The following DNMT3A variants were observed in gnomAD, a reference collection of about 807,000 sequenced individuals.
DNMT3A encodes DNA methyltransferase 3 alpha, also known as DNA (cytosine-5)-methyltransferase 3A.
DNMT3A carries 267 observed loss-of-function variants against 117.6 expected under a neutral mutation model. That is an observed-to-expected ratio of 2.27 (90% confidence interval 2.05 to 2.51). The LOEUF (loss-of-function observed/expected upper bound fraction) is 2.51, where lower values mean the gene tolerates loss of function less well. Among genes scored for constraint, DNMT3A ranks in the 30% most tolerant of loss-of-function variants. The pLI is 0.00. For synonymous variants in DNMT3A, 432 were observed against 474.8 expected (o/e 0.91, Z 1.17); for missense variants, 1,029 against 1,260.2 (o/e 0.82, Z 2.78).
At chr2:25,242,474 T>A (rs143737937) in intron 16 of DNMT3A, among the ~76,000 whole-genome samples, 2 of 152,178 alleles carry the variant, frequency 1.3e-5, no homozygotes, top group Non-Finnish European at 2.9e-5. Context: ...TTTTACAGCC[T>A]CCTGGGGTGT....
chr2:25,282,736 A>G lies in DNMT3A; in HGVS notation c.178-25T>C. On this transcript the variant is annotated intron_variant, in intron 3 of 22. Transcript: ENST00000321117. This position sits in a 1 kb window ranked among gnomAD's most constrained non-coding sequence, Gnocchi z 5.2. ...CCTGCAAATGTAAGAAAGATACACA[A>G]GAGGAGGGTTAGATCAGTGGGCTTA... The G allele has an allele frequency of 6.6e-7, 1 of 1,514,146 alleles. No homozygotes were observed. The highest frequency in any genetic ancestry group is 8.8e-7 in the Non-Finnish European group (1 of 1,130,672). The allele number at this position is 1,514,146 out of a possible 1,614,324, so 93.8% of individuals were successfully genotyped here.
intron 10 of DNMT3A, 125 bp from the exon 11 acceptor site, chr2:25,246,434 G>C: frequency 6.9e-7 from 1 of 1,441,168 alleles, no homozygotes; most frequent in Non-Finnish European, 9.4e-7. Flanking sequence ...CCAACTCTAC[G>C]GTTCTAGCCA....
chr2:25,300,740 T>A (rs1215521700), intron 2 of DNMT3A, among the ~76,000 whole-genome samples: 28 of 44,138 alleles, frequency 6.3e-4, no homozygotes, highest in African/African-American at 2.8e-3. Context: ...TATATATATA[T>A]ATATATATAT....
At position 25,327,957 on chromosome 2, in the gene DNMT3A, C is replaced by G. The variant is rs1011116273; in HGVS notation, c.-177-13796G>C. Among the ~76,000 whole-genome samples the G allele has an allele frequency of 6.6e-6, 1 of 152,172 alleles. No homozygotes were observed. Among genetic ancestry groups the G allele is most frequent in the African/African-American group, 2.4e-5 (1 of 41,434 alleles). On this transcript the variant is annotated intron_variant, in intron 1 of 22. Coordinates refer to ENST00000321117, the MANE Select transcript of DNMT3A (RefSeq NM_022552.5). This position sits in a 1 kb window ranked among gnomAD's most constrained non-coding sequence, Gnocchi z 4.1. ...GGCTTCTCTCGTCCCCCTATTCCCTCCAGGCCCTTTGTACCTCTTGTGTCT... is the reference window on the plus strand; with the variant it reads ...GGCTTCTCTCGTCCCCCTATTCCCTGCAGGCCCTTTGTACCTCTTGTGTCT...
Position 25,305,058 on chromosome 2 carries a change from C to T in DNMT3A, c.73-4815G>A, listed in dbSNP as rs1178653856. Among the ~76,000 whole-genome samples, 1 of 152,210 alleles carries T rather than the reference C, an allele frequency of 6.6e-6. No homozygotes were observed. Among genetic ancestry groups the T allele is most frequent in the Non-Finnish European group, 1.5e-5 (1 of 68,028 alleles). ...GGATGCATTTAGTCCAAGGCAGGCA[C>T]TTGATGAATGACTGTCACAGAGTAG... On this transcript the variant is annotated intron_variant, in intron 2 of 22. Transcript: ENST00000321117. This position sits in a 1 kb window ranked among gnomAD's most constrained non-coding sequence, Gnocchi z 4.1.
At position 25,304,546 on chromosome 2, in the gene DNMT3A, G is replaced by C. The variant is rs562360788; in HGVS notation, c.73-4303C>G. Among the ~76,000 whole-genome samples, 2 of 152,190 alleles carry C rather than the reference G, an allele frequency of 1.3e-5. No individual in the cohort carries two copies. The highest frequency in any genetic ancestry group is 2.9e-5 in the Non-Finnish European group (2 of 68,042). Reference sequence around the variant, plus strand: ...CCAACATCTGGCGGGCGCTCTTGCCGCAAGATATGTGGCAATACTGGGGCT... The same window carrying C: ...CCAACATCTGGCGGGCGCTCTTGCCCCAAGATATGTGGCAATACTGGGGCT... On this transcript the variant is annotated intron_variant, in intron 2 of 22. Transcript: ENST00000321117. The surrounding 1 kb of genome is among the most constrained non-coding windows in gnomAD (Gnocchi z 4.3).
At chr2:25,314,735 A>AGAGGCCACGGCCACGGCC in intron 1 of DNMT3A, 1 of 984,782 alleles carries the variant, frequency 1.0e-6, no homozygotes, top group South Asian at 4.7e-5. Flanking sequence ...CCTAGGAGGG[A>AGAGGCCACGGCCACGGCC]GAGGCCACGG....
At position 25,243,182 on chromosome 2, in the gene DNMT3A, G is replaced by A. The variant is rs918238086; in HGVS notation, c.1936+716C>T. On this transcript the variant is annotated intron_variant, in intron 16 of 22. Transcript: ENST00000321117. ...TAGCTGGGCGTGGTGGTGGGTGCCTGCAGTCCCAGCTACTCGGGAGGCTGA... is the reference window on the plus strand; with the variant it reads ...TAGCTGGGCGTGGTGGTGGGTGCCTACAGTCCCAGCTACTCGGGAGGCTGA... Among the ~76,000 whole-genome samples the A allele has an allele frequency of 5.3e-5, 8 of 152,108 alleles. No homozygotes were observed. The South Asian group carries it at 1.7e-3, about 32-fold the overall frequency.
chr2:25,239,139 C>A lies in DNMT3A; in HGVS notation c.2399G>T (p.Gly800Val). Residue 800 changes from glycine to valine, a missense_variant, in exon 20 of 23, where the codon GGT becomes GTT. By Grantham distance (109) the Gly-to-Val change is moderately radical. Coordinates refer to ENST00000321117, the MANE Select transcript of DNMT3A (RefSeq NM_022552.5). ...AGGAGCTTTCACCAACCTGTTCATA[C>A]CGGGAAGGTTACCCCAGAAGTAGCG... ...RARYFWGNLP[G>V]MNRPLASTVN... The A allele has an allele frequency of 6.2e-7, 1 of 1,613,998 alleles. No individual in the cohort carries two copies. The highest frequency in any genetic ancestry group is 8.5e-7 in the Non-Finnish European group (1 of 1,179,884).
intron 12 of DNMT3A, 91 bp downstream of exon 12, chr2:25,245,929 G>T: frequency 6.6e-7 from 1 of 1,524,230 alleles, no homozygotes; most frequent in Non-Finnish European, 9.1e-7. Flanking sequence ...CGTGGCCCCT[G>T]GTCCCATGTC....
At position 25,254,783 on chromosome 2, in the gene DNMT3A, G is replaced by A. The variant is rs1191131725; in HGVS notation, c.640-6531C>T. On this transcript the variant is annotated intron_variant, in intron 6 of 22. Transcript: ENST00000321117. The surrounding 1 kb of genome is among the most constrained non-coding windows in gnomAD (Gnocchi z 4.7). ...CTTTTGCAGACACTGTCTCATGTACGATACCCGCTCTTCCATTATAATGCG... is the reference window on the plus strand; with the variant it reads ...CTTTTGCAGACACTGTCTCATGTACAATACCCGCTCTTCCATTATAATGCG... 2.0e-5 allele frequency among the ~76,000 whole-genome samples: 3 copies of A among 152,132 alleles called. No homozygotes were observed. The highest frequency in any genetic ancestry group is 6.5e-5 in the Admixed American group (1 of 15,274).
intron 1 of DNMT3A, among the ~76,000 whole-genome samples, chr2:25,334,959 C>T (rs1436827216): frequency 6.6e-6 from 1 of 152,200 alleles, no homozygotes; most frequent in Non-Finnish European, 1.5e-5. Context: ...GAAAGTAACT[C>T]AAGTTCATTT....
intron 16 of DNMT3A, chr2:25,242,071 C>T (rs1029496980): frequency 3.9e-6 from 1 of 255,488 alleles, no homozygotes; most frequent in Non-Finnish European, 7.4e-6. Flanking sequence ...CCTCCTGCTA[C>T]AATTCTACCC....
chr2:25,314,553 A>G, intron 1 of DNMT3A: 1 of 983,584 alleles, frequency 1.0e-6, no homozygotes, highest in African/African-American at 1.8e-5. Context: ...TAGCCCAGCT[A>G]CGTTTTCCTT....
In DNMT3A at chr2:25,244,336, C is replaced by T. The variant is rs2149290298; in HGVS notation, c.1670G>A (p.Cys557Tyr). The T allele has an allele frequency of 6.2e-7, 1 of 1,603,180 alleles. No homozygotes were observed. Among genetic ancestry groups the T allele is most frequent in the Non-Finnish European group, 8.5e-7 (1 of 1,175,062 alleles). The change falls in exon 15 of 23, where the codon TGC becomes TAC. Residue 557 changes from cysteine (C) to tyrosine (Y), a missense_variant and splice_region_variant. Cys to Tyr is a radical substitution (Grantham distance 194, BLOSUM62 -2). Coordinates refer to ENST00000321117, the MANE Select transcript of DNMT3A (RefSeq NM_022552.5). ...GAGGTCCACACACTCCACGCAAAAG[C>T]ACCTGGAAGGAGACCCAGTGAGCAG... ...LMCGNNNCCRCFCVECVDLLV... is the reference protein window; with the variant it reads ...LMCGNNNCCRYFCVECVDLLV...
intron 1 of DNMT3A, among the ~76,000 whole-genome samples, chr2:25,341,026 A>G (rs2035408412): frequency 7.0e-6 from 1 of 143,444 alleles, no homozygotes; most frequent in African/African-American, 2.5e-5. Flanking sequence ...GTGTGCCCCC[A>G]AGGCGGGCGC....
chr2:25,243,930 CG>C lies in DNMT3A; in HGVS notation c.1903del (p.Arg635GlyfsTer16), dbSNP rs1326186258. 1 of 1,552,036 alleles carries C rather than the reference CG, an allele frequency of 6.4e-7. No individual in the cohort carries two copies. The highest frequency in any genetic ancestry group is 8.7e-7 in the Non-Finnish European group (1 of 1,147,100). ...GATTCCATCAAAGAGAGACAGCACC[CG>C]GATGGGCTTCCTCTTCTCAGCTGGG... ...PVPAEKRKPI[R>X]VLSLFDGIAT... On this transcript the variant is annotated frameshift_variant, in exon 16 of 23. Coordinates refer to ENST00000321117, the MANE Select transcript of DNMT3A (RefSeq NM_022552.5). LOFTEE classifies it high-confidence loss of function.
intron 6 of DNMT3A, among the ~76,000 whole-genome samples, chr2:25,271,002 C>T (rs34286879): frequency 0.056 from 8,516 of 151,346 alleles, 251 homozygotes; most frequent in South Asian, 0.06. Flanking sequence ...CCAGCTTGGG[C>T]AACAAGTGCG....
chr2:25,251,602 C>T (rs1167283582), intron 6 of DNMT3A, among the ~76,000 whole-genome samples: 1 of 152,218 alleles, frequency 6.6e-6, no homozygotes, highest in Non-Finnish European at 1.5e-5. Flanking sequence ...AGCGCCACCG[C>T]CCCCAAGCCC....
Sources: allele counts gnomAD v4.1 joint callset (sites outside exome capture counted in the v4.1 genomes callset), GRCh38; gene constraint gnomAD v4.1.1; non-coding constraint Gnocchi (gnomAD v3.1); transcripts MANE v1.5; gene names NCBI Gene and HGNC (gene_info 2026-07-23, HGNC 2026-07-21).